ZMAT3: variants seen among roughly 807,000 people sequenced by gnomAD.
The protein encoded by ZMAT3 is zinc finger matrin-type 3.
ZMAT3 carries 17 observed loss-of-function variants against 32.3 expected under a neutral mutation model. That is an observed-to-expected ratio of 0.53 (90% CI 0.36 to 0.79). ZMAT3 has a LOEUF of 0.79. Ranked by LOEUF, ZMAT3 falls within the 30% of genes least tolerant of loss-of-function variation. The probability of loss-of-function intolerance (pLI) is 0.00; values close to 1 mark genes in which losing one functional copy is unlikely to be tolerated. For synonymous variants in ZMAT3, 120 were observed against 133.1 expected (o/e 0.90, Z 0.68); for missense variants, 329 against 359.7 (o/e 0.91, Z 0.69).
intron 2 of ZMAT3, among the ~76,000 whole-genome samples, chr3:179,047,264 T>C (rs1348641838): frequency 6.6e-6 from 1 of 152,136 alleles, no homozygotes; most frequent in East Asian, 1.9e-4. Flanking sequence ...ATAACAATTA[T>C]TGCAGTTCAG....
Position 179,023,056 on chromosome 3 carries a change from G to A in ZMAT3, c.*1961C>T, listed in dbSNP as rs985494555. On this transcript the variant is annotated 3_prime_UTR_variant, in exon 6 of 6. Transcript: ENST00000311417. ...TCAAGTGGGCTTTCAAAAGAAATAC[G>A]GATGACCACTGGTCTTACCCATATA... 14 of 152,096 alleles carry A rather than the reference G, an allele frequency of 9.2e-5. No homozygotes were observed. The highest frequency in any genetic ancestry group is 3.1e-4 in the African/African-American group (13 of 41,414). The allele number at this position is 152,096 out of a possible 1,614,324, so 9.4% of individuals were successfully genotyped here.
intron 2 of ZMAT3, among the ~76,000 whole-genome samples, chr3:179,063,444 T>C (rs917813622): frequency 2.6e-5 from 4 of 152,354 alleles, no homozygotes; most frequent in South Asian, 4.1e-4. Context: ...ATCTAATTCA[T>C]GGTAGGTTGC....
chr3:179,056,587 CCAG>C (rs1244828820), intron 2 of ZMAT3, among the ~76,000 whole-genome samples: 1 of 152,206 alleles, frequency 6.6e-6, no homozygotes, highest in Non-Finnish European at 1.5e-5. Flanking sequence ...ACCAGATGAT[CCAG>C]CAGCAGGACT....
Position 179,068,583 on chromosome 3 carries a change from G to A in ZMAT3, c.-57-774C>T, listed in dbSNP as rs544816350. ...CCAACCAACCAATATCAAAAAGAGTGTATAAAAGAATATCATCTTGCAGAA... is the reference window on the plus strand; with the variant it reads ...CCAACCAACCAATATCAAAAAGAGTATATAAAAGAATATCATCTTGCAGAA... On this transcript the variant is annotated intron_variant, in intron 1 of 5. Coordinates refer to ENST00000311417, the MANE Select transcript of ZMAT3 (RefSeq NM_022470.4). 3.3e-5 allele frequency among the ~76,000 whole-genome samples: 5 copies of A among 152,008 alleles called. No individual in the cohort carries two copies. The South Asian group carries it at 6.2e-4, about 19-fold the overall frequency.
At chr3:179,053,468 T>C (rs536188414) in intron 2 of ZMAT3, among the ~76,000 whole-genome samples, 1 of 152,282 alleles carries the variant, frequency 6.6e-6, no homozygotes, top group South Asian at 2.1e-4. Flanking sequence ...GTAATAATTA[T>C]TGCAGACAAG....
At chr3:179,064,297 T>G (rs1553804013) in intron 2 of ZMAT3, among the ~76,000 whole-genome samples, 1 of 152,264 alleles carries the variant, frequency 6.6e-6, no homozygotes, top group Non-Finnish European at 1.5e-5. Flanking sequence ...TGCTCTGTAT[T>G]AAAAATTAGT....
intron 2 of ZMAT3, among the ~76,000 whole-genome samples, chr3:179,039,312 C>T (rs1394699543): frequency 6.6e-6 from 1 of 152,196 alleles, no homozygotes; most frequent in Non-Finnish European, 1.5e-5. Context: ...CCAGTAAGGG[C>T]CAACAGTCAC....
At position 179,019,982 on chromosome 3, in the gene ZMAT3, T is replaced by C. The variant is rs1718462065; in HGVS notation, c.*5035A>G. ...AAAATGATCTCTGACTTCTGCCAGC[T>C]TGGGAAAACTGGATTCATTTTCAGA... On this transcript the variant is annotated 3_prime_UTR_variant, in exon 6 of 6. Coordinates refer to ENST00000311417, the MANE Select transcript of ZMAT3 (RefSeq NM_022470.4). 1 of 152,162 alleles carries C rather than the reference T, an allele frequency of 6.6e-6. No homozygotes were observed. The highest frequency in any genetic ancestry group is 6.6e-5 in the Admixed American group (1 of 15,256). The allele number at this position is 152,162 out of a possible 1,614,324, so 9.4% of individuals were successfully genotyped here.
chr3:179,062,682 C>T (rs771823387), intron 2 of ZMAT3, among the ~76,000 whole-genome samples: 9 of 152,124 alleles, frequency 5.9e-5, no homozygotes, highest in Non-Finnish European at 8.8e-5. Flanking sequence ...AGCTGACAGA[C>T]GAGTAGTATG....
chr3:179,030,243 G>A (rs6793893), intron 3 of ZMAT3, among the ~76,000 whole-genome samples: 124,017 of 152,144 alleles, frequency 0.82, 50,944 homozygotes, highest in East Asian at 0.94. Flanking sequence ...CAACTGGAAG[G>A]CAAAATCTGA....
At chr3:179,033,069 A>C (rs913705952) in intron 2 of ZMAT3, among the ~76,000 whole-genome samples, 6 of 152,256 alleles carry the variant, frequency 3.9e-5, no homozygotes, top group Non-Finnish European at 5.9e-5. Flanking sequence ...GGGAAAGGAA[A>C]GAGAGATCAG....
At chr3:179,058,404 G>A (rs369146922) in intron 2 of ZMAT3, among the ~76,000 whole-genome samples, 7 of 152,232 alleles carry the variant, frequency 4.6e-5, no homozygotes, top group African/African-American at 1.7e-4. Flanking sequence ...GGACCTTTTA[G>A]AGGTTCCCTT....
At chr3:179,027,613 C>T (rs1447102687) in intron 4 of ZMAT3, 33 bp downstream of exon 4, 4 of 1,613,944 alleles carry the variant, frequency 2.5e-6, no homozygotes, top group South Asian at 1.1e-5. Flanking sequence ...TCTCACATAA[C>T]ACTTTGGCCT....
In ZMAT3 at chr3:179,061,317, A is replaced by G. The variant is rs187771571; in HGVS notation, c.270+6166T>C. 2.7e-4 allele frequency among the ~76,000 whole-genome samples: 41 copies of G among 152,278 alleles called. 1 individual carries two copies. The highest frequency in any genetic ancestry group is 9.6e-4 in the African/African-American group (40 of 41,566). On this transcript the variant is annotated intron_variant, in intron 2 of 5. Transcript: ENST00000311417. The stretch of plus-strand genomic sequence containing the variant: ...TAAATAGTGGGGTTGAGATTTAGGG[A>G]TGGAGGGGAGAACGATAATATGAAA...
chr3:179,060,942 A>C (rs973733435), intron 2 of ZMAT3, among the ~76,000 whole-genome samples: 3 of 152,192 alleles, frequency 2.0e-5, no homozygotes, highest in African/African-American at 7.2e-5. Flanking sequence ...TAACATTCCA[A>C]AGAAAAATAA....
intron 2 of ZMAT3, among the ~76,000 whole-genome samples, chr3:179,063,582 G>C (rs1390215348): frequency 6.6e-6 from 1 of 152,138 alleles, no homozygotes; most frequent in Non-Finnish European, 1.5e-5. Context: ...ACTTTAAACT[G>C]TGGATGCCTT....
chr3:179,067,547 G>A lies in ZMAT3; in HGVS notation c.206C>T (p.Pro69Leu), dbSNP rs750440867. ...QDCALEELCK[P>L]LYCKLCNVTL... ...GACATTGCAGAGTTTGCAGTACAGGGGCTTACATAGCTCCTCCAGGGCACA... is the reference window on the plus strand; with the variant it reads ...GACATTGCAGAGTTTGCAGTACAGGAGCTTACATAGCTCCTCCAGGGCACA... Residue 69 changes from proline (P) to leucine (L), a missense_variant, in exon 2 of 6, where the codon CCC becomes CTC. Physicochemically the swap from Pro to Leu is moderately conservative, Grantham distance 98. Coordinates refer to ENST00000311417, the MANE Select transcript of ZMAT3 (RefSeq NM_022470.4). The A allele has an allele frequency of 6.2e-7, 1 of 1,614,132 alleles. No individual in the cohort carries two copies. Among genetic ancestry groups the A allele is most frequent in the South Asian group, 1.1e-5 (1 of 91,076 alleles).
chr3:179,025,664 A>G (rs1345393408), intron 5 of ZMAT3, among the ~76,000 whole-genome samples: 1 of 152,206 alleles, frequency 6.6e-6, no homozygotes, highest in Non-Finnish European at 1.5e-5. Context: ...AGTGATTATA[A>G]AAGCAAAAAT....
chr3:179,019,238 A>G lies in ZMAT3; in HGVS notation c.*5779T>C, dbSNP rs1718421467. On this transcript the variant is annotated 3_prime_UTR_variant, in exon 6 of 6. Coordinates refer to ENST00000311417, the MANE Select transcript of ZMAT3 (RefSeq NM_022470.4). The stretch of plus-strand genomic sequence containing the variant: ...AATTGTCCTCCCTCACCCTAAGTAC[A>G]CACAAAAAGAGAAACTGGAAGACAA... 6.6e-6 allele frequency: 1 copy of G among 152,038 alleles called. No homozygotes were observed. Among genetic ancestry groups the G allele is most frequent in the African/African-American group, 2.4e-5 (1 of 41,414 alleles). The allele number at this position is 152,038 out of a possible 1,614,324, so 9.4% of individuals were successfully genotyped here. A position where few individuals can be genotyped will look rare whatever the true frequency, so the allele number is the denominator to read the frequency against.
Sources: allele counts gnomAD v4.1 joint callset (sites outside exome capture counted in the v4.1 genomes callset), GRCh38; gene constraint gnomAD v4.1.1; transcripts MANE v1.5; gene names NCBI Gene and HGNC (gene_info 2026-07-23, HGNC 2026-07-21).